MACROD1: variants seen among roughly 807,000 people sequenced by gnomAD.
MACROD1 encodes the protein mono-ADP ribosylhydrolase 1, also known as ADP-ribose glycohydrolase MACROD1.
In MACROD1, 31 loss-of-function variants were observed where a neutral mutation model predicts 41.4. That is an observed-to-expected ratio of 0.75 (90% CI 0.56 to 1.01). MACROD1 has a LOEUF of 1.01. Among genes scored for constraint, MACROD1 ranks in the 50% least tolerant of loss-of-function variants. MACROD1 has a pLI of 0.00. For synonymous variants in MACROD1, 252 were observed against 203.4 expected, an observed-to-expected ratio of 1.24 and a Z score of -2.03; for missense variants, 473 against 460.0, an observed-to-expected ratio of 1.03 and a Z score of -0.26.
Position 64,122,123 on chromosome 11 carries a change from A to C in MACROD1, c.517+29116T>G, listed in dbSNP as rs1945108501. Among the ~76,000 whole-genome samples the C allele has an allele frequency of 6.6e-6, 1 of 152,212 alleles. No individual in the cohort carries two copies. Among genetic ancestry groups the C allele is most frequent in the South Asian group, 2.1e-4 (1 of 4,822 alleles). ...ATGGAATGCTTAAGAGATTACTAAA[A>C]ATAAAATCTATTAATTAGTCATACT... On this transcript the variant is annotated intron_variant, in intron 3 of 10. Transcript: ENST00000255681. This position sits in a 1 kb window ranked among gnomAD's most constrained non-coding sequence, Gnocchi z 4.0.
chr11:64,156,323 C>T (rs1945667792), intron 1 of MACROD1, among the ~76,000 whole-genome samples: 1 of 152,220 alleles, frequency 6.6e-6, no homozygotes, highest in Admixed American at 6.5e-5. Flanking sequence ...CCTTGCACAA[C>T]TGTGACCTCC....
rs1039934205 is a variant in MACROD1 at position 64,128,512 on chromosome 11, A to C, written c.517+22727T>G. ...ACAGAGGACGCTTCCACGGATAAGG[A>C]GGACTAGGAGGCAATGGGGAAGGCC... On this transcript the variant is annotated intron_variant, in intron 3 of 10. Coordinates refer to ENST00000255681, the MANE Select transcript of MACROD1 (RefSeq NM_014067.4). Among the ~76,000 whole-genome samples, 4 of 152,036 alleles carry C rather than the reference A, an allele frequency of 2.6e-5. No individual in the cohort carries two copies. The East Asian group carries it at 7.7e-4, about 29-fold the overall frequency.
intron 1 of MACROD1, among the ~76,000 whole-genome samples, chr11:64,158,056 C>T (rs11605856): frequency 0.11 from 16,767 of 152,198 alleles, 1,159 homozygotes; most frequent in Non-Finnish European, 0.16. Context: ...GAGAAGCCCC[C>T]CGACTCCCAG....
chr11:64,010,138 T>C (rs867110388), intron 4 of MACROD1, among the ~76,000 whole-genome samples: 400 of 87,262 alleles, frequency 4.6e-3, no homozygotes, highest in Middle Eastern at 8.3e-3. Flanking sequence ...GGGGGGTTGG[T>C]TGGGGTGTTG....
Position 64,110,449 on chromosome 11 carries a change from G to GA in MACROD1, c.517+40789dup, listed in dbSNP as rs754055496. 8.1e-3 allele frequency among the ~76,000 whole-genome samples: 1,067 copies of GA among 132,094 alleles called. 6 individuals carry two copies. The highest frequency in any genetic ancestry group is 0.024 in the African/African-American group (845 of 35,858). 86.7% of individuals were successfully genotyped at this position (132,094 alleles called of 152,430 possible). A position where few individuals can be genotyped will look rare whatever the true frequency, so the allele number is the denominator to read the frequency against. ...TGGGTGACAGAGCGAGACTGTCTCA[G>GA]AAAAAAAAAAAAAAGAAAGAAATCA... is the stretch of plus-strand genomic sequence containing the variant. On this transcript the variant is annotated intron_variant, in intron 3 of 10. Transcript: ENST00000255681.
intron 4 of MACROD1, among the ~76,000 whole-genome samples, chr11:64,010,060 TG>T (rs1467617471): frequency 7.4e-6 from 1 of 134,508 alleles, no homozygotes; most frequent in African/African-American, 2.8e-5. Flanking sequence ...TTGGCTGGGG[TG>T]TTGGCTGGGG....
chr11:64,118,010 C>T (rs200134025), intron 3 of MACROD1: 15 of 1,613,584 alleles, frequency 9.3e-6, no homozygotes, highest in African/African-American at 4.0e-5. Flanking sequence ...ACCAGGCTGG[C>T]GAGCTGCTGA....
At chr11:64,123,272 G>C (rs1465210482) in intron 3 of MACROD1, among the ~76,000 whole-genome samples, 1 of 152,204 alleles carries the variant, frequency 6.6e-6, no homozygotes, top group East Asian at 1.9e-4. Context: ...CCCCTGGATG[G>C]GCGCCAGGGC....
intron 3 of MACROD1, chr11:64,118,081 C>T: frequency 6.2e-7 from 1 of 1,612,236 alleles, no homozygotes; most frequent in Non-Finnish European, 8.5e-7. Flanking sequence ...GAGTCAGGGA[C>T]CAAGAAGGAT....
At chr11:64,043,468 G>T (rs1943527239) in intron 3 of MACROD1, among the ~76,000 whole-genome samples, 2 of 152,196 alleles carry the variant, frequency 1.3e-5, no homozygotes, top group African/African-American at 2.4e-5. Flanking sequence ...AAAAGGGCAA[G>T]TTGAGGTGTG....
chr11:64,027,657 C>G (rs904695929), intron 3 of MACROD1, among the ~76,000 whole-genome samples: 1 of 152,164 alleles, frequency 6.6e-6, no homozygotes, highest in Admixed American at 6.5e-5. Flanking sequence ...AGGCTCAGGT[C>G]TTAACCTCTG....
At chr11:64,093,654 C>T (rs1234127973) in intron 3 of MACROD1, among the ~76,000 whole-genome samples, 1 of 152,256 alleles carries the variant, frequency 6.6e-6, no homozygotes, top group East Asian at 1.9e-4. Flanking sequence ...AGACTGCCCT[C>T]TTCCCTGGAC....
intron 3 of MACROD1, among the ~76,000 whole-genome samples, chr11:64,056,457 A>T (rs1385143213): frequency 1.3e-5 from 2 of 152,018 alleles, no homozygotes; most frequent in Non-Finnish European, 2.9e-5. Context: ...AGGAAGGGGG[A>T]GCAGCTGCGG....
chr11:64,099,606 G>C (rs1206897984), intron 3 of MACROD1, among the ~76,000 whole-genome samples: 1 of 151,912 alleles, frequency 6.6e-6, no homozygotes, highest in Non-Finnish European at 1.5e-5. Flanking sequence ...ATGGAAGGAT[G>C]AATACAGAGA....
At chr11:64,163,346 G>A (rs370256915) in intron 1 of MACROD1, among the ~76,000 whole-genome samples, 41 of 152,246 alleles carry the variant, frequency 2.7e-4, no homozygotes, top group African/African-American at 8.9e-4. Flanking sequence ...CAAATTCTTT[G>A]AGATTCTTTC....
At chr11:64,153,933 G>C (rs574126773) in intron 1 of MACROD1, among the ~76,000 whole-genome samples, 1 of 151,684 alleles carries the variant, frequency 6.6e-6, no homozygotes, top group African/African-American at 2.4e-5. Flanking sequence ...CTCAACGCCC[G>C]CATTCCACGC....
chr11:64,023,872 T>C (rs1226667929), intron 3 of MACROD1, among the ~76,000 whole-genome samples: 1 of 152,190 alleles, frequency 6.6e-6, no homozygotes, highest in Non-Finnish European at 1.5e-5. Context: ...CACAGTTCAC[T>C]GTTTGAAATG....
At chr11:64,113,543 T>C (rs1194279053) in intron 3 of MACROD1, among the ~76,000 whole-genome samples, 1 of 148,036 alleles carries the variant, frequency 6.8e-6, no homozygotes, top group African/African-American at 2.5e-5. Context: ...GGTGGATGCA[T>C]GGATGGATGG....
chr11:64,137,577 G>T (rs2134671870), intron 3 of MACROD1, among the ~76,000 whole-genome samples: 1 of 152,286 alleles, frequency 6.6e-6, no homozygotes, highest in East Asian at 1.9e-4. Flanking sequence ...GCTCAGCCTA[G>T]TTTTGAGGTG....
Sources: allele counts gnomAD v4.1 joint callset (sites outside exome capture counted in the v4.1 genomes callset), GRCh38; gene constraint gnomAD v4.1.1; non-coding constraint Gnocchi (gnomAD v3.1); transcripts MANE v1.5; gene names NCBI Gene and HGNC (gene_info 2026-07-23, HGNC 2026-07-21).